CD47: variants seen among roughly 807,000 people sequenced by gnomAD.
CD47 encodes the protein CD47 molecule, also known as leukocyte surface antigen CD47.
Under a neutral mutation model 44.6 loss-of-function variants are expected in CD47, and 11 were observed. That is an observed-to-expected ratio of 0.25 (90% CI 0.16 to 0.41). The LOEUF is 0.41. Among genes scored for constraint, CD47 ranks in the 10% least tolerant of loss-of-function variants. The pLI is 1.00. For missense variants in CD47, 306 were observed against 386.7 expected (o/e 0.79, Z 1.75); for synonymous variants, 140 against 136.3 (o/e 1.03, Z -0.19).
intron 2 of CD47, among the ~76,000 whole-genome samples, chr3:108,073,223 C>T (rs1405142002): frequency 6.6e-6 from 1 of 151,546 alleles, no homozygotes; most frequent in Non-Finnish European, 1.5e-5. Context: ...TTCATTGGTC[C>T]CTGCCCCTAT....
intron 5 of CD47, 133 bp from the exon 6 acceptor site, chr3:108,058,562 G>C: frequency 1.8e-6 from 1 of 560,108 alleles, no homozygotes; most frequent in South Asian, 2.4e-5. Context: ...TTTGACGGTA[G>C]ATGTTAACTC....
At chr3:108,057,683 A>G in intron 6 of CD47, 114 bp from the exon 7 acceptor site, 1 of 572,012 alleles carries the variant, frequency 1.7e-6, no homozygotes, top group Admixed American at 3.1e-5. Flanking sequence ...AACAAAAATT[A>G]TCCATATATG....
chr3:108,063,032 T>C lies in CD47; in HGVS notation c.491-2180A>G, dbSNP rs183788632. ...CTCTTAAGGCTTAGAAGAGCTGTTA[T>C]AGGAGAAAACAGTGCAAACAATAGC... On this transcript the variant is annotated intron_variant, in intron 3 of 10. Transcript: ENST00000361309. Among the ~76,000 whole-genome samples, 188 of 152,278 alleles carry C rather than the reference T, an allele frequency of 1.2e-3. 1 individual carries two copies. The Middle Eastern group carries it at 0.014, about 11-fold the overall frequency.
intron 2 of CD47, among the ~76,000 whole-genome samples, chr3:108,078,656 T>C (rs1327016219): frequency 2.0e-5 from 3 of 152,008 alleles, no homozygotes; most frequent in Admixed American, 6.6e-5. Flanking sequence ...TTAATATCAA[T>C]AGTAAAAGCT....
At chr3:108,087,693 A>G (rs1274637312) in intron 1 of CD47, among the ~76,000 whole-genome samples, 1 of 152,190 alleles carries the variant, frequency 6.6e-6, no homozygotes, top group Non-Finnish European at 1.5e-5. Context: ...AGTGTGATAT[A>G]TATTCAAATA....
chr3:108,058,435 G>T lies in CD47; in HGVS notation c.692-6C>A, dbSNP rs146013974. 1 of 1,534,198 alleles carries T rather than the reference G, an allele frequency of 6.5e-7. No individual in the cohort carries two copies. The highest frequency in any genetic ancestry group is 2.4e-5 in the East Asian group (1 of 42,484). ...GAAGGAGGTTAATCCAATCGCTGGA[G>T]GAAGGAAAAGGATGTAACAGAAGCA... On this transcript the variant is annotated splice_polypyrimidine_tract_variant and splice_region_variant and intron_variant, in intron 5 of 10. Transcript: ENST00000361309.
intron 7 of CD47, chr3:108,053,319 T>C (rs997447871): frequency 1.3e-5 from 2 of 151,754 alleles, no homozygotes; most frequent in Admixed American, 6.6e-5. Flanking sequence ...ACAGGAAAAA[T>C]GGCAACAGAC....
chr3:108,060,026 G>C (rs895592068), intron 4 of CD47, among the ~76,000 whole-genome samples: 1 of 152,108 alleles, frequency 6.6e-6, no homozygotes, highest in African/African-American at 2.4e-5. Flanking sequence ...TTGAGTCCCA[G>C]CCTTCCTTTG....
intron 1 of CD47, among the ~76,000 whole-genome samples, chr3:108,083,446 A>C (rs2079455235): frequency 6.6e-6 from 1 of 152,082 alleles, no homozygotes; most frequent in South Asian, 2.1e-4. Context: ...ACCTGTGATG[A>C]AATATTGTGA....
chr3:108,056,387 T>C (rs1330743634), intron 7 of CD47, among the ~76,000 whole-genome samples: 2 of 152,184 alleles, frequency 1.3e-5, no homozygotes, highest in African/African-American at 4.8e-5. Context: ...ACAGAATATA[T>C]GACAGAATTG....
At chr3:108,083,844 G>A (rs781010367) in intron 1 of CD47, among the ~76,000 whole-genome samples, 18 of 150,722 alleles carry the variant, frequency 1.2e-4, no homozygotes, top group Middle Eastern at 3.5e-3. Flanking sequence ...GAATCCTGAA[G>A]CTTCCAATAC....
At chr3:108,049,815 C>T (rs1207452305) in intron 9 of CD47, among the ~76,000 whole-genome samples, 164 bp from the exon 10 acceptor site, 3 of 152,042 alleles carry the variant, frequency 2.0e-5, no homozygotes, top group Non-Finnish European at 4.4e-5. Flanking sequence ...TGGATCATAC[C>T]CACAGCATTC....
intron 1 of CD47, among the ~76,000 whole-genome samples, chr3:108,085,043 A>C (rs890185602): frequency 2.0e-5 from 3 of 152,068 alleles, no homozygotes; most frequent in Non-Finnish European, 2.9e-5. Flanking sequence ...CTAAATTCTA[A>C]GTACATTAGC....
intron 4 of CD47, 53 bp from the exon 5 acceptor site, chr3:108,059,597 A>G (rs763421800): frequency 1.9e-5 from 17 of 897,858 alleles, no homozygotes; most frequent in Non-Finnish European, 2.7e-5. Context: ...TTTTAAATGT[A>G]CTAATCTAAA....
At chr3:108,087,571 C>T (rs2079546455) in intron 1 of CD47, among the ~76,000 whole-genome samples, 1 of 152,128 alleles carries the variant, frequency 6.6e-6, no homozygotes, top group South Asian at 2.1e-4. Flanking sequence ...CCAAAGAGGG[C>T]TTTGCAAACT....
chr3:108,053,717 G>A (rs1372374218), intron 7 of CD47: 4 of 152,236 alleles, frequency 2.6e-5, no homozygotes, highest in East Asian at 1.9e-4. Context: ...GAGCTCATAG[G>A]AGTCCAGTTT....
intron 7 of CD47, 107 bp downstream of exon 7, chr3:108,057,370 T>C (rs2078929153): frequency 3.3e-6 from 2 of 609,390 alleles, no homozygotes; most frequent in African/African-American, 1.9e-5. Context: ...ACTCCAATTG[T>C]ATTTTCTCAT....
chr3:108,058,350 A>G lies in CD47; in HGVS notation c.771T>C (p.Ser257=). ...GATGACTCTTACCCGCAATACAGAG[A>G]CTCAGTCCAACCACAGCGAGGATAT... is the stretch of plus-strand genomic sequence containing the variant. ...IAYILAVVGL[S]LCIAACIPMH... The change falls in exon 6 of 11, where the codon AGT becomes AGC. Residue 257 remains serine (S), a synonymous_variant. Coordinates refer to ENST00000361309, the MANE Select transcript of CD47 (RefSeq NM_001777.4). The G allele has an allele frequency of 6.4e-7, 1 of 1,559,316 alleles. No homozygotes were observed. The highest frequency in any genetic ancestry group is 8.7e-7 in the Non-Finnish European group (1 of 1,149,452).
rs2078719395 is a variant in CD47, at chr3:108,046,158, G to A, written c.*1130C>T. On this transcript the variant is annotated 3_prime_UTR_variant, in exon 11 of 11. Coordinates refer to ENST00000361309, the MANE Select transcript of CD47 (RefSeq NM_001777.4). ...GTTTACTTTTCAATCATAGGGGAAG[G>A]GGAGTACGAGGCAGGACTACAGGAG... is the stretch of plus-strand genomic sequence containing the variant. The A allele has an allele frequency of 6.6e-6, 1 of 152,632 alleles. No homozygotes were observed. The highest frequency in any genetic ancestry group is 1.5e-5 in the Non-Finnish European group (1 of 68,046). The allele number at this position is 152,632 out of a possible 1,614,324, so 9.5% of individuals were successfully genotyped here.
Sources: gnomAD v4.1 joint callset for allele counts (sites outside exome capture counted in the v4.1 genomes callset) on GRCh38, gnomAD v4.1.1 for gene constraint, MANE v1.5 for transcripts, NCBI Gene and HGNC (gene_info 2026-07-23, HGNC 2026-07-21) for gene names.